Variants in CNTNAP1 observed in about 807,000 individuals in gnomAD.
The protein encoded by CNTNAP1 is contactin-associated protein 1.
In CNTNAP1, 80 loss-of-function variants were observed where a neutral mutation model predicts 161.5. The ratio of observed to expected loss-of-function variants is 0.50; its 90% CI spans 0.41 to 0.60. The LOEUF (loss-of-function observed/expected upper bound fraction) is 0.60, where lower values mean the gene tolerates loss of function less well. Ranked by LOEUF, CNTNAP1 falls within the 20% of genes least tolerant of loss-of-function variation. CNTNAP1 has a pLI of 0.00. For missense variants in CNTNAP1, 1,464 were observed against 1,854.8 expected (o/e 0.79, Z 3.87); for synonymous variants, 695 against 733.1 (o/e 0.95, Z 0.84).
Position 42,682,547 on chromosome 17 carries a change from A to G in CNTNAP1, c.-283A>G, listed in dbSNP as rs552141471. ...GGGGTCCGGGAAACCGGCGCGTGCC[A>G]GGAGACAGAGGCTGGGGAAGGGGGG... On this transcript the variant is annotated 5_prime_UTR_variant, in exon 1 of 24. Coordinates refer to ENST00000264638, the MANE Select transcript of CNTNAP1 (RefSeq NM_003632.3). The G allele has an allele frequency of 5.5e-5, 27 of 487,368 alleles. No homozygotes were observed. Among genetic ancestry groups the G allele is most frequent in the African/African-American group, 5.1e-4 (25 of 49,396 alleles). 30.2% of individuals were successfully genotyped at this position (487,368 alleles called of 1,614,324 possible).
chr17:42,698,540 T>C (rs1400408623), intron 23 of CNTNAP1, 78 bp from the exon 24 acceptor site: 20 of 1,071,528 alleles, frequency 1.9e-5, no homozygotes, highest in South Asian at 6.9e-5. Flanking sequence ...AGTGCGTGTG[T>C]GTGTGTGTGT....
chr17:42,697,004 T>C (rs1006482807), intron 20 of CNTNAP1, among the ~76,000 whole-genome samples: 6 of 152,000 alleles, frequency 3.9e-5, no homozygotes, highest in African/African-American at 1.5e-4. Context: ...CAAGACCTCA[T>C]CTTCACAAAG....
rs1242477134 is a variant in CNTNAP1 at position 42,682,903 on chromosome 17, G to C, written c.67+7G>C. ...GCCGAGGGCTGGGGCTACTGTGAGT[G>C]TTGGGCTTGGAGGCAGGTGGGGTTG... On this transcript the variant is annotated splice_region_variant and intron_variant, in intron 1 of 23. Transcript: ENST00000264638. The C allele has an allele frequency of 6.9e-6, 11 of 1,597,708 alleles. No homozygotes were observed. In the South Asian group the frequency reaches 1.2e-4, roughly 18 times the overall value.
At chr17:42,694,176 CTTTTTTTT>C (rs1335535599) in intron 18 of CNTNAP1, among the ~76,000 whole-genome samples, 1 of 142,202 alleles carries the variant, frequency 7.0e-6, no homozygotes, top group Non-Finnish European at 1.5e-5. Context: ...TTTCTTTTTT[CTTTTTTTT>C]TTTTGAGACT....
In CNTNAP1 at chr17:42,687,354, C is replaced by T. The variant is rs1326387929; in HGVS notation, c.1044+308C>T. On this transcript the variant is annotated intron_variant, in intron 7 of 23. Coordinates refer to ENST00000264638, the MANE Select transcript of CNTNAP1 (RefSeq NM_003632.3). This position sits in a 1 kb window ranked among gnomAD's most constrained non-coding sequence, Gnocchi z 4.7. ...ACGGTGGCTGAGTAGGGACTTGAACCGATGGCTTCTCTGATATGCCCCCCT... is the reference window on the plus strand; with the variant it reads ...ACGGTGGCTGAGTAGGGACTTGAACTGATGGCTTCTCTGATATGCCCCCCT... 1.4e-5 allele frequency: 7 copies of T among 496,548 alleles called. No individual in the cohort carries two copies. Among genetic ancestry groups the T allele is most frequent in the Non-Finnish European group, 2.5e-5 (7 of 278,838 alleles). The allele number at this position is 496,548 out of a possible 1,614,324, so 30.8% of individuals were successfully genotyped here.
chr17:42,684,314 A>AG (rs2052977563), intron 3 of CNTNAP1, 85 bp downstream of exon 3: 1 of 1,362,172 alleles, frequency 7.3e-7, no homozygotes, highest in Non-Finnish European at 1.0e-6. Context: ...GGGAAAATGG[A>AG]GGGGGTGGTG....
Position 42,691,559 on chromosome 17 carries a change from G to C in CNTNAP1, c.2344+48G>C. 6.2e-7 allele frequency: 1 copy of C among 1,608,094 alleles called. No homozygotes were observed. The highest frequency in any genetic ancestry group is 8.5e-7 in the Non-Finnish European group (1 of 1,177,414). On this transcript the variant is annotated intron_variant, in intron 15 of 23. Transcript: ENST00000264638. The surrounding 1 kb of genome is among the most constrained non-coding windows in gnomAD (Gnocchi z 4.3). ...GTGCCCTCCCAGAGCTGACTCTCCAGTTTCCAAAATCTAGGCCGCATGTCA... is the reference window on the plus strand; with the variant it reads ...GTGCCCTCCCAGAGCTGACTCTCCACTTTCCAAAATCTAGGCCGCATGTCA...
intron 1 of CNTNAP1, chr17:42,683,319 A>G: frequency 9.3e-7 from 1 of 1,080,248 alleles, no homozygotes; most frequent in Non-Finnish European, 1.1e-6. Flanking sequence ...GTTTTGTGGC[A>G]GGGATCCAAG....
In CNTNAP1 at chr17:42,683,881, A is replaced by G; in HGVS notation, c.128A>G (p.Tyr43Cys). Residue 43 changes from tyrosine (Y) to cysteine (C), a missense_variant, in exon 2 of 24, where the codon TAC becomes TGC. Around this residue, in one of 3 missense-constraint regions of CNTNAP1, gnomAD observed 77 missense variants for 73.6 expected, o/e 1.05. Coordinates refer to ENST00000264638, the MANE Select transcript of CNTNAP1 (RefSeq NM_003632.3). ...LYARSLGASS[Y>C]YSLLTAPRFA... ...GCACGCTCCCTGGGCGCCTCCTCCT[A>G]CTACAGTCTCCTTACTGCGCCGAGA... 6.2e-7 allele frequency: 1 copy of G among 1,613,528 alleles called. No homozygotes were observed. The highest frequency in any genetic ancestry group is 8.5e-7 in the Non-Finnish European group (1 of 1,179,980).
At chr17:42,688,704 GGGATCAA>G (rs2143658051) in intron 9 of CNTNAP1, 93 bp downstream of exon 9, 1 of 1,580,154 alleles carries the variant, frequency 6.3e-7, no homozygotes, top group South Asian at 1.1e-5. Flanking sequence ...GAATTTTGGA[GGGATCAA>G]GCCCTCTTCC....
chr17:42,682,535 C>G lies in CNTNAP1; in HGVS notation c.-295C>G. 1 of 493,268 alleles carries G rather than the reference C, an allele frequency of 2.0e-6. No individual in the cohort carries two copies. Among genetic ancestry groups the G allele is most frequent in the South Asian group, 2.3e-5 (1 of 44,300 alleles). 30.6% of individuals were successfully genotyped at this position (493,268 alleles called of 1,614,324 possible). Reference sequence around the variant, plus strand: ...ACGCGCTTGCGCGGGGTCCGGGAAACCGGCGCGTGCCAGGAGACAGAGGCT... The same window carrying G: ...ACGCGCTTGCGCGGGGTCCGGGAAAGCGGCGCGTGCCAGGAGACAGAGGCT... On this transcript the variant is annotated 5_prime_UTR_variant, in exon 1 of 24. Transcript: ENST00000264638.
At chr17:42,683,965 CG>C in intron 2 of CNTNAP1, 43 bp downstream of exon 2, 1 of 1,613,006 alleles carries the variant, frequency 6.2e-7, no homozygotes, top group Non-Finnish European at 8.5e-7. Flanking sequence ...CAGCGCACCG[CG>C]GAAGGGTGGG....
chr17:42,683,125 G>A (rs776223058), intron 1 of CNTNAP1: 2 of 608,538 alleles, frequency 3.3e-6, no homozygotes, highest in Non-Finnish European at 5.7e-6. Context: ...AAGTCAGCGG[G>A]CAGGGATTTG....
rs1355504956 is a variant in CNTNAP1 at position 42,697,254 on chromosome 17, C to A, written c.3475-20C>A. The A allele has an allele frequency of 1.9e-6, 3 of 1,588,784 alleles. No homozygotes were observed. The highest frequency in any genetic ancestry group is 2.2e-5 in the South Asian group (2 of 90,494). ...GTCCCCGCTCCCTCATCGCCCTCCC[C>A]CTCCCCCTCCCCACCTCAGGTGGAC... is the stretch of plus-strand genomic sequence containing the variant. On this transcript the variant is annotated intron_variant, in intron 20 of 23. Coordinates refer to ENST00000264638, the MANE Select transcript of CNTNAP1 (RefSeq NM_003632.3).
At chr17:42,695,932 T>A in intron 19 of CNTNAP1, 58 bp downstream of exon 19, 1 of 1,595,580 alleles carries the variant, frequency 6.3e-7, no homozygotes, top group Non-Finnish European at 8.6e-7. Context: ...CCCCTAATTC[T>A]CCTATTGATT....
In CNTNAP1 at chr17:42,684,985, C is replaced by A. The variant is rs754545057; in HGVS notation, c.364-6C>A. Reference sequence around the variant, plus strand: ...ACGTGGTTACTACTCTCCTCCACCCCCGCAGACCTTCTTTGGTAACGTGAA... The same window carrying A: ...ACGTGGTTACTACTCTCCTCCACCCACGCAGACCTTCTTTGGTAACGTGAA... On this transcript the variant is annotated splice_polypyrimidine_tract_variant and splice_region_variant and intron_variant, in intron 3 of 23. Coordinates refer to ENST00000264638, the MANE Select transcript of CNTNAP1 (RefSeq NM_003632.3). The A allele has an allele frequency of 6.2e-7, 1 of 1,607,234 alleles. No individual in the cohort carries two copies. Among genetic ancestry groups the A allele is most frequent in the Non-Finnish European group, 8.5e-7 (1 of 1,178,502 alleles).
Position 42,690,913 on chromosome 17 carries a change from G to A in CNTNAP1, c.2030G>A (p.Cys677Tyr). The change falls in exon 13 of 24, where the codon TGC becomes TAC. Residue 677 changes from cysteine to tyrosine, a missense_variant. Cys to Tyr is a radical substitution (Grantham distance 194). Coordinates refer to ENST00000264638, the MANE Select transcript of CNTNAP1 (RefSeq NM_003632.3). ...QHCEQWIEFS[C>Y]YNSRLLNTAG... ...TGTGAACAGTGGATCGAGTTCTCCT[G>A]CTACAATTCCCGGCTGCTCAACACT... 1 of 1,614,220 alleles carries A rather than the reference G, an allele frequency of 6.2e-7. No individual in the cohort carries two copies. Among genetic ancestry groups the A allele is most frequent in the Non-Finnish European group, 8.5e-7 (1 of 1,180,040 alleles).
Position 42,687,966 on chromosome 17 carries a change from C to T in CNTNAP1, c.1291C>T (p.Leu431Phe). Residue 431 changes from leucine (L) to phenylalanine (F), a missense_variant, in exon 8 of 24, where the codon CTT (leucine) becomes TTT (phenylalanine). By Grantham distance (22) the Leu-to-Phe change is conservative. Around this residue, in one of 3 missense-constraint regions of CNTNAP1, gnomAD observed 1,383 missense variants for 1,765.0 expected, o/e 0.78. Transcript: ENST00000264638. This position sits in a 1 kb window ranked among gnomAD's most constrained non-coding sequence, Gnocchi z 4.7. ...CATCGCGCAGAGCGGCCGAAAGAAG[C>T]TTCAGTTCGCTGCTGGTGAGGGCGT... is the stretch of plus-strand genomic sequence containing the variant. The part of the protein sequence containing the change: ...VSIAQSGRKK[L>F]QFAAGYRLND... The T allele has an allele frequency of 1.2e-6, 2 of 1,613,088 alleles. No individual in the cohort carries two copies. Among genetic ancestry groups the T allele is most frequent in the Non-Finnish European group, 8.5e-7 (1 of 1,179,360 alleles).
Position 42,685,038 on chromosome 17 carries a change from G to C in CNTNAP1, c.411G>C (p.Leu137=). ...AGTCGGCGGTGGTGCGCCATGACCT[G>C]CACTTCCACTTCACTGCGCGCTACA... is the stretch of plus-strand genomic sequence containing the variant. ...VNESAVVRHD[L]HFHFTARYIR... The change falls in exon 4 of 24, where the codon CTG becomes CTC. Residue 137 remains leucine (L), a synonymous_variant. Transcript: ENST00000264638. This position sits in a 1 kb window ranked among gnomAD's most constrained non-coding sequence, Gnocchi z 5.0. The C allele has an allele frequency of 6.3e-7, 1 of 1,592,934 alleles. No homozygotes were observed. Among genetic ancestry groups the C allele is most frequent in the South Asian group, 1.1e-5 (1 of 87,082 alleles).
Sources: allele counts gnomAD v4.1 joint callset (sites outside exome capture counted in the v4.1 genomes callset), GRCh38; gene constraint gnomAD v4.1.1; regional missense constraint gnomAD v4.1.1; non-coding constraint Gnocchi (gnomAD v3.1); transcripts MANE v1.5; gene names NCBI Gene and HGNC (gene_info 2026-07-23, HGNC 2026-07-21).